Variants in DNAAF5 observed in about 807,000 individuals in gnomAD.
DNAAF5 encodes the protein dynein axonemal assembly factor 5.
Under a neutral mutation model 75.8 loss-of-function variants are expected in DNAAF5, and 64 were observed. That is an observed-to-expected ratio of 0.84 (90% CI 0.69 to 1.04). DNAAF5 has a LOEUF of 1.04. Among genes scored for constraint, DNAAF5 ranks in the 50% least tolerant of loss-of-function variants. DNAAF5 has a pLI of 0.00. For synonymous variants in DNAAF5, 657 were observed against 557.2 expected, an observed-to-expected ratio of 1.18 and a Z score of -2.52; for missense variants, 1,269 against 1,178.5, an observed-to-expected ratio of 1.08 and a Z score of -1.12.
At chr7:728,995 C>CTTTTTTTT (rs398003363) in intron 1 of DNAAF5, among the ~76,000 whole-genome samples, 1 of 125,604 alleles carries the variant, frequency 8.0e-6, no homozygotes, top group East Asian at 2.3e-4. Context: ...TTGGTTCTGA[C>CTTTTTTTT]TTTTTTTTTT....
At chr7:778,256 A>G (rs555706682) in intron 11 of DNAAF5, 13 of 152,314 alleles carry the variant, frequency 8.5e-5, no homozygotes, top group African/African-American at 3.1e-4. Context: ...TGGGCATCTG[A>G]GCGCATTTGG....
intron 12 of DNAAF5, among the ~76,000 whole-genome samples, chr7:784,695 G>T (rs372777116): frequency 2.1e-4 from 32 of 152,204 alleles, no homozygotes; most frequent in African/African-American, 7.5e-4. Context: ...TGTCGGTGAT[G>T]CCTGGCCCGT....
rs777649527 is a variant in DNAAF5 at position 785,519 on chromosome 7, G to A, written c.2434G>A (p.Val812Ile). ...ERAIQDAILE[V>I]LKEGSGLFPD... ...CAAGGTGTTTTTCTGTTTTACAGAG[G>A]TCCTCAAAGAGGGCAGCGGGCTGTT... The change falls in exon 13 of 13, where the codon GTC becomes ATC. Residue 812 changes from valine to isoleucine, a missense_variant and splice_region_variant. Transcript: ENST00000297440. 15 of 1,613,546 alleles carry A rather than the reference G, an allele frequency of 9.3e-6. No individual in the cohort carries two copies. The highest frequency in any genetic ancestry group is 8.3e-5 in the Admixed American group (5 of 59,994).
chr7:747,878 G>A (rs111522875), intron 4 of DNAAF5, among the ~76,000 whole-genome samples: 3 of 1,124 alleles, frequency 2.7e-3, no homozygotes, highest in African/African-American at 6.6e-3. Context: ...GGTGGCCCAC[G>A]GTGTTGGTGG....
In DNAAF5 at chr7:754,279, G is replaced by A. The variant is rs1416368457; in HGVS notation, c.1025-310G>A. ...AGCTGGGACCACAGGCATGCACCACGGCACCTGGCTAATCTTCCTGTTTTT... is the reference window on the plus strand; with the variant it reads ...AGCTGGGACCACAGGCATGCACCACAGCACCTGGCTAATCTTCCTGTTTTT... On this transcript the variant is annotated intron_variant, in intron 4 of 12. Coordinates refer to ENST00000297440, the MANE Select transcript of DNAAF5 (RefSeq NM_017802.4). This position sits in a 1 kb window ranked among gnomAD's most constrained non-coding sequence, Gnocchi z 4.8. 6.6e-6 allele frequency among the ~76,000 whole-genome samples: 1 copy of A among 152,116 alleles called. No homozygotes were observed. Among genetic ancestry groups the A allele is most frequent in the Admixed American group, 6.5e-5 (1 of 15,274 alleles).
At position 756,887 on chromosome 7, in the gene DNAAF5, G is replaced by A; in HGVS notation, c.1363G>A (p.Val455Met). Residue 455 changes from valine to methionine, a missense_variant, in exon 6 of 13, where the codon GTG becomes ATG. Transcript: ENST00000297440. ...GACGCCCTCTGCCTCCGGCCTCCTG[G>A]TGCTGGCCTCCGCCATGCGGGGTTG... ...KKTPSASGLL[V>M]LASAMRGCPR... 6.2e-7 allele frequency: 1 copy of A among 1,613,380 alleles called. No homozygotes were observed. Among genetic ancestry groups the A allele is most frequent in the South Asian group, 1.1e-5 (1 of 91,084 alleles).
At chr7:740,705 C>A in intron 2 of DNAAF5, 114 bp from the exon 3 acceptor site, 1 of 1,446,840 alleles carries the variant, frequency 6.9e-7, no homozygotes, top group Non-Finnish European at 9.4e-7. Context: ...CAGGACCTGG[C>A]CGTGCCTCTG....
rs1406417251 is a variant in DNAAF5, at chr7:754,023, C to T, written c.1025-566C>T. ...CTCTCTGATCATAGGGGGACGGCTT[C>T]GCAGGCGTGTCTCTCATCATATGGC... On this transcript the variant is annotated intron_variant, in intron 4 of 12. Coordinates refer to ENST00000297440, the MANE Select transcript of DNAAF5 (RefSeq NM_017802.4). This position sits in a 1 kb window ranked among gnomAD's most constrained non-coding sequence, Gnocchi z 4.8. 6.7e-6 allele frequency among the ~76,000 whole-genome samples: 1 copy of T among 149,414 alleles called. No individual in the cohort carries two copies. The highest frequency in any genetic ancestry group is 2.5e-5 in the African/African-American group (1 of 40,240).
chr7:736,328 T>C (rs977548472), intron 2 of DNAAF5, among the ~76,000 whole-genome samples: 6 of 152,364 alleles, frequency 3.9e-5, no homozygotes, highest in African/African-American at 1.4e-4. Flanking sequence ...GCTGTTACTG[T>C]GTTGGAGTCT....
Position 758,075 on chromosome 7 carries a change from C to T in DNAAF5, c.1470+1081C>T, listed in dbSNP as rs905181359. Among the ~76,000 whole-genome samples the T allele has an allele frequency of 2.6e-5, 4 of 152,224 alleles. No individual in the cohort carries two copies. The East Asian group carries it at 7.7e-4, about 29-fold the overall frequency. On this transcript the variant is annotated intron_variant, in intron 6 of 12. Coordinates refer to ENST00000297440, the MANE Select transcript of DNAAF5 (RefSeq NM_017802.4). The stretch of plus-strand genomic sequence containing the variant: ...GGTAAGGAAGGGAGCGGGGGAGGGG[C>T]CCGGGCCGCGTGCTCATGGCATTTC...
intron 12 of DNAAF5, among the ~76,000 whole-genome samples, chr7:784,647 C>T (rs1423416523): frequency 6.6e-6 from 1 of 152,164 alleles, no homozygotes; most frequent in Non-Finnish European, 1.5e-5. Flanking sequence ...CACTGCTTCC[C>T]GATGAACCCT....
Position 754,789 on chromosome 7 carries a change from T to G in DNAAF5, c.1225T>G (p.Cys409Gly), listed in dbSNP as rs768709805. The G allele has an allele frequency of 6.2e-7, 1 of 1,609,514 alleles. No individual in the cohort carries two copies. The highest frequency in any genetic ancestry group is 8.5e-7 in the Non-Finnish European group (1 of 1,176,998). Residue 409 changes from cysteine (C) to glycine (G), a missense_variant, in exon 5 of 13, where the codon TGC (cysteine) becomes GGC (glycine). Physicochemically the swap from Cys to Gly is radical, Grantham distance 159. Transcript: ENST00000297440. This position sits in a 1 kb window ranked among gnomAD's most constrained non-coding sequence, Gnocchi z 4.8. ...EVVLRTLFQA[C>G]TDEEAAVVQS... ...CGTCCTCCGGACCCTGTTCCAGGCC[T>G]GCACCGACGAGGAGGCAGCCGTGGT...
At position 754,506 on chromosome 7, in the gene DNAAF5, C is replaced by T. The variant is rs529342778; in HGVS notation, c.1025-83C>T. 133 of 1,130,760 alleles carry T rather than the reference C, an allele frequency of 1.2e-4. No homozygotes were observed. The highest frequency in any genetic ancestry group is 1.6e-4 in the Non-Finnish European group (121 of 753,578). The allele number at this position is 1,130,760 out of a possible 1,614,324, so 70.0% of individuals were successfully genotyped here. A position where few individuals can be genotyped will look rare whatever the true frequency, so the allele number is the denominator to read the frequency against. On this transcript the variant is annotated intron_variant, in intron 4 of 12. Coordinates refer to ENST00000297440, the MANE Select transcript of DNAAF5 (RefSeq NM_017802.4). This position sits in a 1 kb window ranked among gnomAD's most constrained non-coding sequence, Gnocchi z 4.8. Reference sequence around the variant, plus strand: ...TGGTGAGGTTGAAACTCACAGGTGTCCCTTAAATGTGATGTGCGGTAACTT... The same window carrying T: ...TGGTGAGGTTGAAACTCACAGGTGTTCCTTAAATGTGATGTGCGGTAACTT...
At chr7:781,505 C>T (rs1161123953) in intron 12 of DNAAF5, among the ~76,000 whole-genome samples, 1 of 152,200 alleles carries the variant, frequency 6.6e-6, no homozygotes, top group Non-Finnish European at 1.5e-5. Flanking sequence ...TCCCCCATAG[C>T]TGAATTCCTC....
intron 12 of DNAAF5, among the ~76,000 whole-genome samples, chr7:781,444 C>G (rs1778937391): frequency 2.0e-5 from 3 of 152,180 alleles, no homozygotes; most frequent in Admixed American, 2.0e-4. Flanking sequence ...CCGGTTGCTT[C>G]CACACCTTGG....
At chr7:731,853 C>T (rs73669619) in intron 2 of DNAAF5, among the ~76,000 whole-genome samples, 74 of 152,170 alleles carry the variant, frequency 4.9e-4, no homozygotes, top group African/African-American at 1.7e-3. Flanking sequence ...GGTGCTGCCC[C>T]TTTTACTCTG....
intron 2 of DNAAF5, among the ~76,000 whole-genome samples, chr7:736,586 C>T (rs183441255): frequency 2.6e-5 from 4 of 152,262 alleles, no homozygotes; most frequent in East Asian, 3.9e-4. Flanking sequence ...TTTCAGCCTA[C>T]GTGTGCCTTT....
intron 7 of DNAAF5, among the ~76,000 whole-genome samples, chr7:762,549 T>G (rs1261017254): frequency 6.6e-6 from 1 of 152,016 alleles, no homozygotes; most frequent in Non-Finnish European, 1.5e-5. Context: ...TACCGTGATT[T>G]CCCGCTCTCA....
chr7:765,698 G>A (rs560988768), intron 8 of DNAAF5, among the ~76,000 whole-genome samples: 1 of 152,122 alleles, frequency 6.6e-6, no homozygotes, highest in East Asian at 1.9e-4. Flanking sequence ...AAACTGTATG[G>A]GTTTTTTTGT....
Sources: gnomAD v4.1 joint callset for allele counts (sites outside exome capture counted in the v4.1 genomes callset) on GRCh38, gnomAD v4.1.1 for gene constraint, Gnocchi (gnomAD v3.1) non-coding constraint, MANE v1.5 for transcripts, NCBI Gene and HGNC (gene_info 2026-07-23, HGNC 2026-07-21) for gene names.